ST8SIA6: variants seen among roughly 807,000 people sequenced by gnomAD.
The protein encoded by ST8SIA6 is alpha-2,8-sialyltransferase 8F.
In ST8SIA6, 39 loss-of-function variants were observed where a neutral mutation model predicts 33.6. The observed-to-expected ratio is 1.16, with a 90% CI of 0.90 to 1.52. The LOEUF (loss-of-function observed/expected upper bound fraction) is 1.52. ST8SIA6 is among the 40% of genes most tolerant of loss of function. ST8SIA6 has a pLI of 0.00. For missense variants in ST8SIA6, 441 were observed against 443.8 expected (o/e 0.99, Z 0.06); for synonymous variants, 172 against 167.2 (o/e 1.03, Z -0.22).
In ST8SIA6 at chr10:17,342,295, C is replaced by G. The variant is rs79162223; in HGVS notation, c.378-10743G>C. On this transcript the variant is annotated intron_variant, in intron 4 of 7. Transcript: ENST00000377602. ...TAAGAGAGACAGACACAAAGCATCA[C>G]TGGCATTTAAGTATCATTTCACTAT... Among the ~76,000 whole-genome samples, 1,146 of 152,332 alleles carry G rather than the reference C, an allele frequency of 7.5e-3. 14 individuals carry two copies. The highest frequency in any genetic ancestry group is 0.026 in the African/African-American group (1,077 of 41,572).
At chr10:17,366,598 T>A (rs1403140997) in intron 3 of ST8SIA6, among the ~76,000 whole-genome samples, 16 of 151,668 alleles carry the variant, frequency 1.1e-4, no homozygotes, top group South Asian at 4.2e-4. Flanking sequence ...TACAAAGAGG[T>A]GGGATGTGAC....
chr10:17,415,287 T>C (rs544052244), intron 2 of ST8SIA6, among the ~76,000 whole-genome samples: 8 of 152,134 alleles, frequency 5.3e-5, no homozygotes, highest in Non-Finnish European at 1.0e-4. Context: ...GAGCAGCAAA[T>C]GCAGAGAAGG....
intron 4 of ST8SIA6, among the ~76,000 whole-genome samples, chr10:17,346,608 C>G (rs895080425): frequency 6.6e-6 from 1 of 152,006 alleles, no homozygotes; most frequent in African/African-American, 2.4e-5. Context: ...ACAGTAACAA[C>G]AACAACAAAA....
At chr10:17,339,852 T>C (rs755916949) in intron 4 of ST8SIA6, among the ~76,000 whole-genome samples, 15 of 152,244 alleles carry the variant, frequency 9.9e-5, no homozygotes, top group Non-Finnish European at 2.2e-4. Context: ...GTTCATTCAC[T>C]CATTCATATT....
intron 3 of ST8SIA6, among the ~76,000 whole-genome samples, chr10:17,371,782 TTA>T (rs1491532773): frequency 1.9e-4 from 17 of 89,554 alleles, no homozygotes; most frequent in Admixed American, 1.3e-3. Context: ...CAAGACTCCA[TTA>T]AAAAAAAAAA....
At chr10:17,418,849 C>T (rs895787297) in intron 2 of ST8SIA6, among the ~76,000 whole-genome samples, 2 of 151,860 alleles carry the variant, frequency 1.3e-5, no homozygotes, top group African/African-American at 4.8e-5. Context: ...AAAAATTAGC[C>T]AAGCGTGGTG....
chr10:17,348,896 AGTAATCGGGGCGGGGCGGGGCGGGAAGC>A (rs899487044), intron 4 of ST8SIA6, among the ~76,000 whole-genome samples: 2 of 146,368 alleles, frequency 1.4e-5, no homozygotes, highest in African/African-American at 4.9e-5. Context: ...TCAAGGGCTA[AGTAATCGGGGCGGGGCGGGGCGGGAAGC>A]GTAACTCTTG....
chr10:17,406,909 A>G (rs1263650771), intron 2 of ST8SIA6, among the ~76,000 whole-genome samples: 1 of 147,054 alleles, frequency 6.8e-6, no homozygotes, highest in Non-Finnish European at 1.5e-5. Context: ...ATTCTCCCCC[A>G]TCAGCCTCCC....
chr10:17,418,144 G>C (rs1414779519), intron 2 of ST8SIA6, among the ~76,000 whole-genome samples: 1 of 152,138 alleles, frequency 6.6e-6, no homozygotes, highest in Non-Finnish European at 1.5e-5. Flanking sequence ...CTGCAGCCTG[G>C]AGCTCCTGGT....
chr10:17,427,043 G>A (rs769572890), intron 2 of ST8SIA6, among the ~76,000 whole-genome samples: 40 of 150,648 alleles, frequency 2.7e-4, no homozygotes, highest in Admixed American at 6.0e-4. Flanking sequence ...GGCGGAGGTT[G>A]CAATGAGCTG....
At chr10:17,425,037 C>A (rs564255142) in intron 2 of ST8SIA6, among the ~76,000 whole-genome samples, 1 of 151,988 alleles carries the variant, frequency 6.6e-6, no homozygotes, top group South Asian at 2.1e-4. Context: ...CCCAGCCACC[C>A]GTCAATGTTA....
chr10:17,417,428 C>T (rs888697533), intron 2 of ST8SIA6, among the ~76,000 whole-genome samples: 2 of 152,108 alleles, frequency 1.3e-5, no homozygotes, highest in African/African-American at 4.8e-5. Context: ...CTTGAGCGTT[C>T]CTGTTAGTGC....
At chr10:17,428,928 A>C (rs1392553610) in intron 2 of ST8SIA6, among the ~76,000 whole-genome samples, 1 of 152,090 alleles carries the variant, frequency 6.6e-6, no homozygotes, top group African/African-American at 2.4e-5. Flanking sequence ...TGAGATATGA[A>C]TGGGGGTTGA....
intron 3 of ST8SIA6, among the ~76,000 whole-genome samples, chr10:17,382,899 G>A (rs1210246260): frequency 6.6e-6 from 1 of 152,100 alleles, no homozygotes; most frequent in Non-Finnish European, 1.5e-5. Context: ...ACTAGTATAC[G>A]GATCCCTGTG....
intron 4 of ST8SIA6, among the ~76,000 whole-genome samples, chr10:17,337,620 G>A (rs2131593210): frequency 6.6e-6 from 1 of 152,296 alleles, no homozygotes; most frequent in Middle Eastern, 3.4e-3. Flanking sequence ...GTGCCAGAGA[G>A]TAAGAGCCAG....
chr10:17,330,781 C>T (rs1848274623), intron 5 of ST8SIA6, among the ~76,000 whole-genome samples: 1 of 152,134 alleles, frequency 6.6e-6, no homozygotes, highest in African/African-American at 2.4e-5. Flanking sequence ...AGAACCAAAA[C>T]TTCCCCAAGT....
At chr10:17,452,124 A>T (rs1287032705) in intron 2 of ST8SIA6, among the ~76,000 whole-genome samples, 2 of 152,216 alleles carry the variant, frequency 1.3e-5, no homozygotes, top group Non-Finnish European at 2.9e-5. Flanking sequence ...CAAGAAAGCT[A>T]GGCTACCTAT....
chr10:17,333,666 T>G (rs1170882379), intron 4 of ST8SIA6, among the ~76,000 whole-genome samples: 1 of 108,194 alleles, frequency 9.2e-6, no homozygotes, highest in Non-Finnish European at 1.8e-5. Flanking sequence ...TAATAAATGG[T>G]GCTGGGATAT....
At chr10:17,380,669 TA>T (rs1372759048) in intron 3 of ST8SIA6, among the ~76,000 whole-genome samples, 1 of 152,172 alleles carries the variant, frequency 6.6e-6, no homozygotes, top group African/African-American at 2.4e-5. Context: ...TAATAAGATT[TA>T]AAAAACAAAT....
Sources: allele counts gnomAD v4.1 joint callset (sites outside exome capture counted in the v4.1 genomes callset), GRCh38; gene constraint gnomAD v4.1.1; transcripts MANE v1.5; gene names NCBI Gene and HGNC (gene_info 2026-07-23, HGNC 2026-07-21).